RAD51B: variants seen among roughly 807,000 people sequenced by gnomAD.
RAD51B encodes DNA repair protein RAD51 homolog 2.
RAD51B carries 38 observed loss-of-function variants against 42.2 expected under a neutral mutation model. The ratio of observed to expected loss-of-function variants is 0.90; its 90% confidence interval spans 0.70 to 1.18. The LOEUF is 1.18. Ranked by LOEUF, RAD51B falls within the 50% of genes most tolerant of loss-of-function variation. The probability of loss-of-function intolerance (pLI) is 0.00; values close to 1 mark genes in which losing one functional copy is unlikely to be tolerated. For synonymous variants in RAD51B, 154 were observed against 145.2 expected (o/e 1.06, Z -0.43); for missense variants, 373 against 400.7 (o/e 0.93, Z 0.59).
At chr14:67,824,621 C>G (rs1008150296) in intron 2 of RAD51B, among the ~76,000 whole-genome samples, 3 of 151,788 alleles carry the variant, frequency 2.0e-5, no homozygotes, top group Admixed American at 2.0e-4. Context: ...GAATTGCTTT[C>G]TGTGTTAAAG....
intron 7 of RAD51B, among the ~76,000 whole-genome samples, chr14:67,900,464 G>A (rs767017041): frequency 3.3e-5 from 5 of 152,032 alleles, no homozygotes; most frequent in Non-Finnish European, 7.4e-5. Context: ...CTGGACAGAA[G>A]ACATTTTAGT....
intron 3 of RAD51B, among the ~76,000 whole-genome samples, chr14:67,830,101 TAACAACG>T (rs539073560): frequency 1.7e-3 from 261 of 152,170 alleles, no homozygotes; most frequent in African/African-American, 6.1e-3. Flanking sequence ...GAGTGGGTCA[TAACAACG>T]AAGAAGAGAG....
intron 9 of RAD51B, among the ~76,000 whole-genome samples, chr14:68,444,315 C>G (rs1014534759): frequency 4.6e-5 from 7 of 152,224 alleles, no homozygotes; most frequent in African/African-American, 1.7e-4. Context: ...CTACATAGCT[C>G]TCCATTCAGG....
At chr14:68,323,122 T>A (rs555927172) in intron 8 of RAD51B, among the ~76,000 whole-genome samples, 7 of 152,012 alleles carry the variant, frequency 4.6e-5, no homozygotes, top group African/African-American at 1.4e-4. Context: ...AGGGACAAAA[T>A]AAATATGCCT....
At chr14:67,874,174 A>T (rs984214405) in intron 5 of RAD51B, among the ~76,000 whole-genome samples, 1 of 152,178 alleles carries the variant, frequency 6.6e-6, no homozygotes, top group African/African-American at 2.4e-5. Flanking sequence ...CACTTTGGAA[A>T]GGTCAGTTCT....
At chr14:67,883,035 G>A (rs1017981861) in intron 5 of RAD51B, among the ~76,000 whole-genome samples, 6 of 152,170 alleles carry the variant, frequency 3.9e-5, no homozygotes, top group African/African-American at 1.2e-4. Flanking sequence ...GTGAGCCACC[G>A]TGCCCGGCCA....
intron 10 of RAD51B, among the ~76,000 whole-genome samples, chr14:68,527,160 A>G (rs1233541189): frequency 6.6e-6 from 1 of 152,218 alleles, no homozygotes; most frequent in African/African-American, 2.4e-5. Context: ...CAAAATGAAA[A>G]AGCCTACATG....
intron 9 of RAD51B, among the ~76,000 whole-genome samples, chr14:68,451,473 T>C (rs1462813900): frequency 1.3e-5 from 2 of 152,198 alleles, no homozygotes; most frequent in Non-Finnish European, 1.5e-5. Flanking sequence ...GGAGAGTTAT[T>C]GTATAAAGTT....
At chr14:67,872,016 GA>G (rs1345815906) in intron 5 of RAD51B, among the ~76,000 whole-genome samples, 1 of 146,980 alleles carries the variant, frequency 6.8e-6, no homozygotes, top group Non-Finnish European at 1.5e-5. Context: ...CATTCCCTTT[GA>G]AAACTGGCAC....
intron 10 of RAD51B, among the ~76,000 whole-genome samples, chr14:68,620,910 G>A (rs934643324): frequency 1.3e-5 from 2 of 152,166 alleles, no homozygotes; most frequent in African/African-American, 4.8e-5. Context: ...CAGGAGCCAG[G>A]GGGTTTTCAT....
chr14:68,662,763 C>A (rs1480398175), intron 11 of RAD51B, among the ~76,000 whole-genome samples: 3 of 152,234 alleles, frequency 2.0e-5, no homozygotes, highest in Admixed American at 2.0e-4. Flanking sequence ...CTTTCCTAAG[C>A]CTTCATAAGC....
intron 7 of RAD51B, among the ~76,000 whole-genome samples, chr14:68,230,197 A>G (rs1298473824): frequency 6.6e-6 from 1 of 152,190 alleles, no homozygotes; most frequent in Non-Finnish European, 1.5e-5. Flanking sequence ...ATATAAGTTG[A>G]GGCTTTTTGA....
intron 7 of RAD51B, among the ~76,000 whole-genome samples, chr14:68,135,128 G>A (rs2077981661): frequency 6.6e-6 from 1 of 152,154 alleles, no homozygotes; most frequent in Non-Finnish European, 1.5e-5. Context: ...TAGTGTTTAA[G>A]TGTAGTGGAA....
At chr14:68,156,491 C>CTCTG (rs1304662125) in intron 7 of RAD51B, among the ~76,000 whole-genome samples, 5 of 151,136 alleles carry the variant, frequency 3.3e-5, no homozygotes, top group African/African-American at 1.2e-4. Context: ...CTCTCTCTCT[C>CTCTG]TCTCTGCCTT....
chr14:67,971,084 G>A (rs1203601567), intron 7 of RAD51B, among the ~76,000 whole-genome samples: 104 of 151,978 alleles, frequency 6.8e-4, no homozygotes, highest in South Asian at 2.1e-4. Flanking sequence ...TATGAAACTC[G>A]TTCTAAGTAT....
intron 7 of RAD51B, among the ~76,000 whole-genome samples, chr14:68,240,433 C>T (rs1386220193): frequency 6.6e-6 from 1 of 152,166 alleles, no homozygotes; most frequent in Non-Finnish European, 1.5e-5. Flanking sequence ...ATTAGAGGTG[C>T]CTTACTAATC....
intron 10 of RAD51B, among the ~76,000 whole-genome samples, chr14:68,501,177 C>T (rs72727488): frequency 6.6e-6 from 1 of 152,186 alleles, no homozygotes; most frequent in Non-Finnish European, 1.5e-5. Context: ...TCCTCCCATG[C>T]AGACCTCAGT....
intron 8 of RAD51B, among the ~76,000 whole-genome samples, chr14:68,399,259 G>GTTTTTTTT: frequency 7.4e-6 from 1 of 136,026 alleles, no homozygotes; most frequent in African/African-American, 2.7e-5. Flanking sequence ...TTTTTTTTGT[G>GTTTTTTTT]TTTTTTTTTT....
chr14:68,390,256 G>A (rs1415950838), intron 8 of RAD51B, among the ~76,000 whole-genome samples: 1 of 152,172 alleles, frequency 6.6e-6, no homozygotes, highest in Non-Finnish European at 1.5e-5. Context: ...TTGAGTAGTG[G>A]AAAAATCTAC....
Sources: gnomAD v4.1 joint callset for allele counts (sites outside exome capture counted in the v4.1 genomes callset) on GRCh38, gnomAD v4.1.1 for gene constraint, MANE v1.5 for transcripts, NCBI Gene and HGNC (gene_info 2026-07-23, HGNC 2026-07-21) for gene names.